The following PRIM2 variants were observed in gnomAD, a reference collection of about 807,000 sequenced individuals.
PRIM2 encodes the protein DNA primase large subunit.
In PRIM2, 39 loss-of-function variants were observed where a neutral mutation model predicts 67.3. That is an observed-to-expected ratio of 0.58 (90% CI 0.45 to 0.76). The LOEUF is 0.76. Ranked by LOEUF, PRIM2 falls within the 30% of genes least tolerant of loss-of-function variation. The pLI is 0.00. For synonymous variants in PRIM2, 143 were observed against 198.7 expected (o/e 0.72, Z 2.36); for missense variants, 398 against 598.7 (o/e 0.66, Z 3.50).
intron 7 of PRIM2, among the ~76,000 whole-genome samples, chr6:57,506,754 A>C (rs1430803590): frequency 1.3e-5 from 2 of 152,028 alleles, no homozygotes; most frequent in Non-Finnish European, 2.9e-5. Flanking sequence ...ATAGATCATA[A>C]ATTCATATTT....
At chr6:57,342,993 G>A (rs1768542382) in intron 5 of PRIM2, among the ~76,000 whole-genome samples, 1 of 152,162 alleles carries the variant, frequency 6.6e-6, no homozygotes, top group Non-Finnish European at 1.5e-5. Flanking sequence ...ACTTTTCAGT[G>A]AGGATGAATT....
At chr6:57,293,670 G>A in the PRIM2 span, among the ~76,000 whole-genome samples, 1 of 152,208 alleles carries the variant, frequency 6.6e-6, no homozygotes, top group Admixed American at 6.5e-5. Flanking sequence ...AAAGGGATGA[G>A]TTCATGTCCT....
intron 7 of PRIM2, among the ~76,000 whole-genome samples, chr6:57,453,845 G>A (rs1772649838): frequency 6.6e-6 from 1 of 152,160 alleles, no homozygotes; most frequent in Non-Finnish European, 1.5e-5. Context: ...TGGTGAGAGA[G>A]GGCATCCCTG....
chr6:57,433,292 G>A (rs969012865), intron 7 of PRIM2, among the ~76,000 whole-genome samples: 7 of 151,834 alleles, frequency 4.6e-5, no homozygotes, highest in African/African-American at 1.7e-4. Flanking sequence ...ACAATGTGCA[G>A]GTTAGTTACA....
the PRIM2 span, chr6:57,222,322 C>A: frequency 3.9e-5 from 6 of 152,222 alleles, no homozygotes; most frequent in Non-Finnish European, 8.8e-5. Context: ...CGTGCTTCGT[C>A]TGCGCATGCT....
chr6:57,565,762 CCATCACAGATACCTATA>C (rs1775724004), intron 10 of PRIM2, among the ~76,000 whole-genome samples: 2 of 152,136 alleles, frequency 1.3e-5, no homozygotes, highest in Non-Finnish European at 1.5e-5. Context: ...GTGAAATTAA[CCATCACAGATACCTATA>C]CACAGCAGTA....
At chr6:57,320,349 CTGTCA>C in intron 2 of PRIM2, 103 bp from the exon 3 acceptor site, 2 of 660,962 alleles carry the variant, frequency 3.0e-6, no homozygotes, top group Non-Finnish European at 5.0e-6. Context: ...TGGCAATTAC[CTGTCA>C]TGTTCTGTAA....
chr6:57,468,898 C>T (rs1773269618), intron 7 of PRIM2, among the ~76,000 whole-genome samples: 1 of 152,074 alleles, frequency 6.6e-6, no homozygotes, highest in Non-Finnish European at 1.5e-5. Flanking sequence ...ATTAAATGCC[C>T]AAGTCATTTG....
At chr6:57,234,337 T>G in the PRIM2 span, among the ~76,000 whole-genome samples, 1 of 152,236 alleles carries the variant, frequency 6.6e-6, no homozygotes, top group African/African-American at 2.4e-5. Flanking sequence ...TTTTCAAATT[T>G]TCAATACTAG....
At chr6:57,305,916 G>A in the PRIM2 span, among the ~76,000 whole-genome samples, 2 of 152,190 alleles carry the variant, frequency 1.3e-5, no homozygotes, top group African/African-American at 4.8e-5. Context: ...CTGCCAAAAA[G>A]TTAATCTGAC....
At chr6:57,506,105 A>AT (rs1157888998) in intron 7 of PRIM2, among the ~76,000 whole-genome samples, 4 of 150,028 alleles carry the variant, frequency 2.7e-5, no homozygotes, top group Non-Finnish European at 4.4e-5. Context: ...GTTACTTAGT[A>AT]TTTTTTTAAT....
At chr6:57,312,460 T>C (rs1466607011), upstream of PRIM2, among the ~76,000 whole-genome samples, 3 of 151,718 alleles carry the variant, frequency 2.0e-5, no homozygotes, top group Non-Finnish European at 4.4e-5. Flanking sequence ...AGTGATAGCA[T>C]CACTGCACTC....
chr6:57,330,563 A>T (rs1481106786), intron 5 of PRIM2, among the ~76,000 whole-genome samples: 4 of 151,722 alleles, frequency 2.6e-5, no homozygotes, highest in Non-Finnish European at 5.9e-5. Flanking sequence ...TTATGAGATT[A>T]TGTTTACTAC....
the PRIM2 span, among the ~76,000 whole-genome samples, chr6:57,307,177 T>C: frequency 6.6e-6 from 1 of 151,490 alleles, no homozygotes; most frequent in Non-Finnish European, 1.5e-5. Flanking sequence ...TGCATTCCAA[T>C]CTTTCCAGTC....
chr6:57,231,600 T>C, the PRIM2 span, among the ~76,000 whole-genome samples: 1 of 152,280 alleles, frequency 6.6e-6, no homozygotes, highest in African/African-American at 2.4e-5. Flanking sequence ...ATTCAGAAAA[T>C]GCAAATTAAA....
At chr6:57,243,901 A>T in the PRIM2 span, among the ~76,000 whole-genome samples, 1 of 152,368 alleles carries the variant, frequency 6.6e-6, no homozygotes, top group Non-Finnish European at 1.5e-5. Context: ...CTAATTATGC[A>T]TTCTATGCTG....
intron 5 of PRIM2, among the ~76,000 whole-genome samples, chr6:57,350,728 C>G (rs960354299): frequency 6.6e-6 from 1 of 152,148 alleles, no homozygotes; most frequent in Non-Finnish European, 1.5e-5. Flanking sequence ...TCTTTCTTCC[C>G]TTTCCAGCTT....
At chr6:57,276,598 TTGTAAGC>T in the PRIM2 span, among the ~76,000 whole-genome samples, 3 of 151,934 alleles carry the variant, frequency 2.0e-5, no homozygotes, top group Non-Finnish European at 2.9e-5. Context: ...CCATCTTAAT[TTGTAAGC>T]TGAATGGTAG....
chr6:57,633,522 T>C (rs1239361206), intron 13 of PRIM2, among the ~76,000 whole-genome samples: 3 of 152,110 alleles, frequency 2.0e-5, no homozygotes, highest in Non-Finnish European at 4.4e-5. Flanking sequence ...AAATATCTCA[T>C]AGGAAAAAGA....
Sources: allele counts gnomAD v4.1 joint callset (sites outside exome capture counted in the v4.1 genomes callset), GRCh38; gene constraint gnomAD v4.1.1; transcripts MANE v1.5; gene names NCBI Gene and HGNC (gene_info 2026-07-23, HGNC 2026-07-21).